Variants in PPARGC1A observed in about 807,000 individuals in gnomAD.
The protein encoded by PPARGC1A is PPARG coactivator 1 alpha, also known as peroxisome proliferator-activated receptor gamma coactivator 1-alpha.
In PPARGC1A, 25 loss-of-function variants were observed where a neutral mutation model predicts 88.7. That is an observed-to-expected ratio of 0.28 (90% CI 0.21 to 0.39). The LOEUF (loss-of-function observed/expected upper bound fraction) is 0.39, where lower values mean the gene tolerates loss of function less well. PPARGC1A is among the 10% of genes least tolerant of loss of function. The pLI is 1.00. For missense variants in PPARGC1A, 880 were observed against 968.7 expected (o/e 0.91, Z 1.22); for synonymous variants, 363 against 355.6 (o/e 1.02, Z -0.24).
the PPARGC1A span, among the ~76,000 whole-genome samples, chr4:24,029,607 T>C: frequency 8.6e-4 from 131 of 152,308 alleles, 1 homozygote; most frequent in Non-Finnish European, 1.5e-3. Flanking sequence ...TGGGATACCA[T>C]GTGCAAACAT....
the PPARGC1A span, among the ~76,000 whole-genome samples, chr4:24,340,686 T>G: frequency 3.7e-3 from 556 of 152,324 alleles, 27 homozygotes; most frequent in East Asian, 0.082. Flanking sequence ...ATGGCAGATT[T>G]TTTTTCATAG....
chr4:24,143,309 T>C, the PPARGC1A span, among the ~76,000 whole-genome samples: 1 of 151,848 alleles, frequency 6.6e-6, no homozygotes. Flanking sequence ...GACCTTCCAA[T>C]AGGGGAGGGG....
At chr4:24,114,487 A>C in the PPARGC1A span, among the ~76,000 whole-genome samples, 1 of 152,200 alleles carries the variant, frequency 6.6e-6, no homozygotes, top group African/African-American at 2.4e-5. Context: ...ACCTCACCAG[A>C]CAGTGTGGTA....
At chr4:24,369,249 T>G in the PPARGC1A span, among the ~76,000 whole-genome samples, 1 of 152,176 alleles carries the variant, frequency 6.6e-6, no homozygotes, top group East Asian at 1.9e-4. Flanking sequence ...CTTACATAGC[T>G]AAGAAGCCAT....
At chr4:24,180,260 A>G in the PPARGC1A span, among the ~76,000 whole-genome samples, 1 of 152,112 alleles carries the variant, frequency 6.6e-6, no homozygotes, top group Non-Finnish European at 1.5e-5. Flanking sequence ...AACTACCTAT[A>G]TTGTTATCTA....
chr4:23,886,060 C>T (rs1463296676), intron 1 of PPARGC1A, among the ~76,000 whole-genome samples: 2 of 152,098 alleles, frequency 1.3e-5, no homozygotes, highest in Non-Finnish European at 2.9e-5. Context: ...CAGTAAAGAA[C>T]ACTGCAGGAA....
the PPARGC1A span, among the ~76,000 whole-genome samples, chr4:24,194,666 ACACC>A: frequency 1.9e-3 from 31 of 16,422 alleles, no homozygotes; most frequent in African/African-American, 3.8e-3. Flanking sequence ...ACACACACAC[ACACC>A]CCCATCAAGA....
chr4:24,352,162 G>A, the PPARGC1A span, among the ~76,000 whole-genome samples: 2 of 152,142 alleles, frequency 1.3e-5, no homozygotes. Flanking sequence ...GGAGAAGCCT[G>A]GGATCGGAGG....
the PPARGC1A span, among the ~76,000 whole-genome samples, chr4:24,113,998 C>T: frequency 6.6e-6 from 1 of 151,884 alleles, no homozygotes; most frequent in African/African-American, 2.4e-5. Context: ...GTGTTGCATG[C>T]CTGTAGTCCC....
the PPARGC1A span, among the ~76,000 whole-genome samples, chr4:24,444,104 A>G: frequency 3.3e-5 from 5 of 151,618 alleles, no homozygotes; most frequent in Non-Finnish European, 5.9e-5. Context: ...GTGACACAAT[A>G]TAGGCAGCCT....
At chr4:23,963,738 G>A in the PPARGC1A span, among the ~76,000 whole-genome samples, 13 of 152,144 alleles carry the variant, frequency 8.5e-5, no homozygotes, top group East Asian at 1.9e-4. Flanking sequence ...CCTGCTAACC[G>A]CATAATTGCT....
chr4:24,424,389 C>T, the PPARGC1A span, among the ~76,000 whole-genome samples: 3 of 150,124 alleles, frequency 2.0e-5, no homozygotes, highest in Non-Finnish European at 4.4e-5. Context: ...CATTCTCCTG[C>T]CTCAGCCTCC....
At chr4:24,100,869 T>C in the PPARGC1A span, among the ~76,000 whole-genome samples, 2 of 152,188 alleles carry the variant, frequency 1.3e-5, no homozygotes, top group South Asian at 2.1e-4. Flanking sequence ...TCATACTTTC[T>C]AGCTTCTGTC....
Position 23,824,274 on chromosome 4 carries a change from G to C in PPARGC1A, c.877+6C>G. 1 of 1,610,006 alleles carries C rather than the reference G, an allele frequency of 6.2e-7. No homozygotes were observed. Among genetic ancestry groups the C allele is most frequent in the Non-Finnish European group, 8.5e-7 (1 of 1,176,696 alleles). Reference sequence around the variant, plus strand: ...ACACAAGTTCTAAGTGAAATATAAGGCTTACCTGCAGTTCCAGAGAGTTCC... The same window carrying C: ...ACACAAGTTCTAAGTGAAATATAAGCCTTACCTGCAGTTCCAGAGAGTTCC... On this transcript the variant is annotated splice_donor_region_variant and intron_variant, in intron 7 of 12. Coordinates refer to ENST00000264867, the MANE Select transcript of PPARGC1A (RefSeq NM_013261.5).
At chr4:23,930,954 G>T in the PPARGC1A span, among the ~76,000 whole-genome samples, 1 of 152,328 alleles carries the variant, frequency 6.6e-6, no homozygotes, top group Admixed American at 6.5e-5. Flanking sequence ...CTGAACTTTG[G>T]CTTAGAACAC....
At chr4:24,114,393 A>G in the PPARGC1A span, among the ~76,000 whole-genome samples, 4 of 152,202 alleles carry the variant, frequency 2.6e-5, no homozygotes, top group Non-Finnish European at 5.9e-5. Context: ...GGTCTGAATT[A>G]CTTTCACTAT....
chr4:23,828,419 C>A lies in PPARGC1A; in HGVS notation c.738G>T (p.Ser246=). ...GCCTACCTTGTAAGTGTTGTGACTG[C>A]GACTGTGTGTGGGACTTCTTTTTGG... is the stretch of plus-strand genomic sequence containing the variant. ...CTSKKKSHTQ[S]QSQHLQAKPT... is the part of the protein sequence containing the mutation. Residue 246 remains serine, a synonymous_variant, in exon 5 of 13, where the codon TCG becomes TCT. Transcript: ENST00000264867. 1.9e-6 allele frequency: 3 copies of A among 1,613,594 alleles called. No individual in the cohort carries two copies. The highest frequency in any genetic ancestry group is 2.5e-6 in the Non-Finnish European group (3 of 1,179,680).
the PPARGC1A span, among the ~76,000 whole-genome samples, chr4:23,930,388 C>A: frequency 5.3e-5 from 8 of 152,210 alleles, no homozygotes; most frequent in Admixed American, 1.3e-4. Context: ...TGGGGAGTAA[C>A]GCCTTCTGAC....
the PPARGC1A span, among the ~76,000 whole-genome samples, chr4:24,143,939 C>G: frequency 6.6e-6 from 1 of 152,332 alleles, no homozygotes; most frequent in East Asian, 1.9e-4. Context: ...AAAATAGCAG[C>G]AAAACTGGTT....
Sources: gnomAD v4.1 joint callset for allele counts (sites outside exome capture counted in the v4.1 genomes callset) on GRCh38, gnomAD v4.1.1 for gene constraint, MANE v1.5 for transcripts, NCBI Gene and HGNC (gene_info 2026-07-23, HGNC 2026-07-21) for gene names.